NFIB: variants seen among roughly 807,000 people sequenced by gnomAD.
NFIB encodes the protein nuclear factor 1 B-type.
A neutral mutation model predicts 61.5 loss-of-function variants in NFIB; 11 were observed. That is an observed-to-expected ratio of 0.18 (90% CI 0.11 to 0.30). The LOEUF is 0.30. Among genes scored for constraint, NFIB ranks in the 10% least tolerant of loss-of-function variants. The probability of loss-of-function intolerance (pLI) is 1.00; values close to 1 mark genes in which losing one functional copy is unlikely to be tolerated. For missense variants in NFIB, 471 were observed against 608.9 expected (o/e 0.77, Z 2.38); for synonymous variants, 260 against 216.5 (o/e 1.20, Z -1.76).
In NFIB at chr9:14,120,756, C is replaced by A; in HGVS notation, c.1061-132G>T. Reference sequence around the variant, plus strand: ...TTTGTCCCCATGATTTAACCAAGCTCTCCTAAATCAACAGTTACTTTTTCA... The same window carrying A: ...TTTGTCCCCATGATTTAACCAAGCTATCCTAAATCAACAGTTACTTTTTCA... On this transcript the variant is annotated intron_variant, in intron 7 of 10. Coordinates refer to ENST00000380953, the MANE Select transcript of NFIB (RefSeq NM_001190737.2). This position sits in a 1 kb window ranked among gnomAD's most constrained non-coding sequence, Gnocchi z 4.4. 3.5e-6 allele frequency: 3 copies of A among 863,142 alleles called. No homozygotes were observed. The highest frequency in any genetic ancestry group is 5.2e-6 in the Non-Finnish European group (3 of 575,592). 53.5% of individuals were successfully genotyped at this position (863,142 alleles called of 1,614,324 possible). A position where few individuals can be genotyped will look rare whatever the true frequency, so the allele number is the denominator to read the frequency against.
the NFIB span, among the ~76,000 whole-genome samples, chr9:14,451,814 A>T: frequency 1.1e-4 from 17 of 151,984 alleles, no homozygotes; most frequent in African/African-American, 3.9e-4. Context: ...TAATGTTTTG[A>T]TTTGAATTTT....
At chr9:14,409,590 C>A in the NFIB span, among the ~76,000 whole-genome samples, 2 of 152,176 alleles carry the variant, frequency 1.3e-5, no homozygotes, top group Non-Finnish European at 1.5e-5. Flanking sequence ...GAAAGGGGAG[C>A]GGCAACACTC....
intron 1 of NFIB, among the ~76,000 whole-genome samples, chr9:14,369,438 C>T (rs892157682): frequency 6.6e-6 from 1 of 152,064 alleles, no homozygotes; most frequent in African/African-American, 2.4e-5. Flanking sequence ...ATCTCATAGC[C>T]AACAGTTCTT....
At chr9:14,441,144 A>G in the NFIB span, among the ~76,000 whole-genome samples, 2 of 151,890 alleles carry the variant, frequency 1.3e-5, no homozygotes, top group Non-Finnish European at 2.9e-5. Context: ...CAAAAAAAAA[A>G]AAAAAAAAGG....
At chr9:14,459,381 G>T in the NFIB span, among the ~76,000 whole-genome samples, 2 of 152,174 alleles carry the variant, frequency 1.3e-5, no homozygotes, top group Non-Finnish European at 2.9e-5. Flanking sequence ...ATGGATTAAA[G>T]ACTTACATGT....
At chr9:14,316,696 G>C (rs543812201), upstream of NFIB, among the ~76,000 whole-genome samples, 4 of 152,120 alleles carry the variant, frequency 2.6e-5, no homozygotes, top group Admixed American at 6.5e-5. Flanking sequence ...CACACACACA[G>C]AGAAACCACC....
the NFIB span, among the ~76,000 whole-genome samples, chr9:14,438,485 G>C: frequency 6.6e-6 from 1 of 152,174 alleles, no homozygotes; most frequent in African/African-American, 2.4e-5. Context: ...AAACTGCCTG[G>C]AGTGATTTTC....
the NFIB span, among the ~76,000 whole-genome samples, chr9:14,459,341 C>G: frequency 6.6e-6 from 1 of 152,178 alleles, no homozygotes; most frequent in East Asian, 1.9e-4. Context: ...TGGATCCCTT[C>G]CTTACACCTT....
the NFIB span, among the ~76,000 whole-genome samples, chr9:14,507,983 C>T: frequency 7.7e-6 from 1 of 130,084 alleles, no homozygotes; most frequent in Non-Finnish European, 1.7e-5. Flanking sequence ...CACACACACA[C>T]ACACACACAC....
the NFIB span, among the ~76,000 whole-genome samples, chr9:14,409,054 A>G: frequency 1.3e-5 from 2 of 152,168 alleles, no homozygotes; most frequent in African/African-American, 4.8e-5. Flanking sequence ...ATACTGGTAC[A>G]TGTTTAAAAA....
chr9:14,140,951 T>C (rs1051264617), intron 6 of NFIB, among the ~76,000 whole-genome samples: 7 of 152,122 alleles, frequency 4.6e-5, no homozygotes, highest in Admixed American at 4.6e-4. Flanking sequence ...GGCCTCTGAT[T>C]CTGGTTCTGT....
intron 2 of NFIB, among the ~76,000 whole-genome samples, chr9:14,289,216 T>A (rs1250564391): frequency 1.5e-5 from 1 of 66,468 alleles, no homozygotes; most frequent in Non-Finnish European, 3.6e-5. Context: ...TATAATTTGG[T>A]ATACCAAATA....
intron 6 of NFIB, among the ~76,000 whole-genome samples, chr9:14,139,324 G>A (rs2041431038): frequency 6.6e-6 from 1 of 152,186 alleles, no homozygotes; most frequent in Non-Finnish European, 1.5e-5. Flanking sequence ...TATTGTATAT[G>A]ATATTGGGAG....
Position 14,088,215 on chromosome 9 carries a change from T to C in NFIB, c.*94A>G, listed in dbSNP as rs1273209551. 3 of 1,547,266 alleles carry C rather than the reference T, an allele frequency of 1.9e-6. No individual in the cohort carries two copies. The highest frequency in any genetic ancestry group is 3.8e-5 in the Admixed American group (2 of 52,480). ...TTTTCCCTCAGTTGCTTGTTTCTGC[T>C]TGAAGGAAAGGTTCTCCAATTATGT... is the stretch of plus-strand genomic sequence containing the variant. On this transcript the variant is annotated 3_prime_UTR_variant, in exon 11 of 11. Coordinates refer to ENST00000380953, the MANE Select transcript of NFIB (RefSeq NM_001190737.2).
chr9:14,322,665 G>A (rs1450871474), intron 1 of NFIB, among the ~76,000 whole-genome samples: 3 of 152,134 alleles, frequency 2.0e-5, no homozygotes, highest in Admixed American at 1.3e-4. Context: ...GAAACCGAAA[G>A]GAGGAGCCGG....
chr9:14,482,927 G>T, the NFIB span, among the ~76,000 whole-genome samples: 1 of 152,180 alleles, frequency 6.6e-6, no homozygotes, highest in Non-Finnish European at 1.5e-5. Context: ...TGTGAATTTG[G>T]ATGCCTTCTG....
chr9:14,490,643 G>C, the NFIB span, among the ~76,000 whole-genome samples: 2 of 152,056 alleles, frequency 1.3e-5, no homozygotes, highest in African/African-American at 4.8e-5. Flanking sequence ...TAGAAAACAT[G>C]AACAAGCATT....
intron 1 of NFIB, among the ~76,000 whole-genome samples, chr9:14,329,714 C>A (rs570947089): frequency 2.0e-5 from 3 of 151,776 alleles, no homozygotes; most frequent in African/African-American, 7.2e-5. Flanking sequence ...GGAGTTTCAC[C>A]ATATTGCCCA....
Position 14,086,425 on chromosome 9 carries a change from A to G in NFIB, c.*1884T>C, listed in dbSNP as rs2032876979. ...TGTACTTACCTATAATAACCAATACAGCTAAAAGCACTACCTACATAGGCA... is the reference window on the plus strand; with the variant it reads ...TGTACTTACCTATAATAACCAATACGGCTAAAAGCACTACCTACATAGGCA... On this transcript the variant is annotated 3_prime_UTR_variant, in exon 11 of 11. Coordinates refer to ENST00000380953, the MANE Select transcript of NFIB (RefSeq NM_001190737.2). 4 of 218,336 alleles carry G rather than the reference A, an allele frequency of 1.8e-5. No individual in the cohort carries two copies. In the Admixed American group the frequency reaches 2.3e-4, roughly 13 times the overall value. The allele number at this position is 218,336 out of a possible 1,614,324, so 13.5% of individuals were successfully genotyped here.
Sources: allele counts gnomAD v4.1 joint callset (sites outside exome capture counted in the v4.1 genomes callset), GRCh38; gene constraint gnomAD v4.1.1; non-coding constraint Gnocchi (gnomAD v3.1); transcripts MANE v1.5; gene names NCBI Gene and HGNC (gene_info 2026-07-23, HGNC 2026-07-21).